KLHL1: variants seen among roughly 807,000 people sequenced by gnomAD.
The protein encoded by KLHL1 is kelch-like protein 1.
Under a neutral mutation model 77.7 loss-of-function variants are expected in KLHL1, and 47 were observed. The ratio of observed to expected loss-of-function variants is 0.60; its 90% confidence interval spans 0.48 to 0.77. The LOEUF (loss-of-function observed/expected upper bound fraction) is 0.77. Among genes scored for constraint, KLHL1 ranks in the 30% least tolerant of loss-of-function variants. KLHL1 has a pLI of 0.00. For synonymous variants in KLHL1, 360 were observed against 325.2 expected, an observed-to-expected ratio of 1.11 and a Z score of -1.15; for missense variants, 925 against 910.8, an observed-to-expected ratio of 1.02 and a Z score of -0.20.
intron 6 of KLHL1, among the ~76,000 whole-genome samples, chr13:69,829,729 C>T (rs978705453): frequency 6.7e-6 from 1 of 150,086 alleles, no homozygotes; most frequent in African/African-American, 2.5e-5. Context: ...AAAGAAAAAC[C>T]TATCAAATTA....
chr13:70,049,549 C>T (rs1214634741), intron 1 of KLHL1, among the ~76,000 whole-genome samples: 1 of 152,076 alleles, frequency 6.6e-6, no homozygotes, highest in Non-Finnish European at 1.5e-5. Context: ...TTATTATCAC[C>T]ATAAACAAGC....
At chr13:69,991,997 G>T (rs552706601) in intron 1 of KLHL1, among the ~76,000 whole-genome samples, 45 of 152,042 alleles carry the variant, frequency 3.0e-4, no homozygotes, top group Non-Finnish European at 4.6e-4. Flanking sequence ...CTGTGAACTT[G>T]CTAGGAATGC....
intron 1 of KLHL1, among the ~76,000 whole-genome samples, chr13:70,015,443 G>A (rs535525006): frequency 1.3e-5 from 2 of 152,126 alleles, no homozygotes; most frequent in Non-Finnish European, 2.9e-5. Flanking sequence ...TATGCAGCAC[G>A]TAACTGTGCA....
At chr13:69,811,050 G>A (rs1285235311) in intron 6 of KLHL1, among the ~76,000 whole-genome samples, 1 of 151,152 alleles carries the variant, frequency 6.6e-6, no homozygotes, top group Admixed American at 6.6e-5. Context: ...ATACAAAGAA[G>A]AGCTTGTACC....
At chr13:69,993,255 T>G (rs946927807) in intron 1 of KLHL1, among the ~76,000 whole-genome samples, 1 of 152,040 alleles carries the variant, frequency 6.6e-6, no homozygotes, top group African/African-American at 2.4e-5. Context: ...GGGAGAGCCA[T>G]AGCAGAACCA....
Position 69,997,500 on chromosome 13 carries a change from C to A in KLHL1, c.498-21698G>T, listed in dbSNP as rs2501232. On this transcript the variant is annotated intron_variant, in intron 1 of 10. Transcript: ENST00000377844. ...TCTAGCCACGGGAAACCACCGCTTT[C>A]CTCTGTTTCTATGAGTTTTACTGCT... is the stretch of plus-strand genomic sequence containing the variant. Among the ~76,000 whole-genome samples the A allele has an allele frequency of 9.9e-3, 1,498 of 151,152 alleles. 24 individuals are homozygous for A. Among genetic ancestry groups the A allele is most frequent in the African/African-American group, 0.034 (1,412 of 41,352 alleles).
intron 7 of KLHL1, among the ~76,000 whole-genome samples, chr13:69,750,574 A>G (rs1874433326): frequency 6.6e-6 from 1 of 151,934 alleles, no homozygotes; most frequent in Non-Finnish European, 1.5e-5. Context: ...AAAATATATA[A>G]GCATATAATA....
chr13:69,841,230 A>T (rs1179271153), intron 5 of KLHL1, among the ~76,000 whole-genome samples: 1 of 151,976 alleles, frequency 6.6e-6, no homozygotes, highest in East Asian at 1.9e-4. Context: ...ATCAGGAAAG[A>T]GAAAGAAATA....
chr13:69,794,983 T>A (rs902417295), intron 7 of KLHL1, among the ~76,000 whole-genome samples: 4 of 152,208 alleles, frequency 2.6e-5, no homozygotes, highest in Non-Finnish European at 5.9e-5. Context: ...AACTTTACAT[T>A]GGAAGAGCAG....
At chr13:69,813,988 T>C (rs559442398) in intron 6 of KLHL1, among the ~76,000 whole-genome samples, 1 of 152,224 alleles carries the variant, frequency 6.6e-6, no homozygotes, top group Admixed American at 6.5e-5. Context: ...ATTACCTGAC[T>C]TCAAATTATA....
Position 69,907,337 on chromosome 13 carries a change from A to T in KLHL1, c.1015-24842T>A, listed in dbSNP as rs1339791075. Among the ~76,000 whole-genome samples the T allele has an allele frequency of 2.6e-5, 4 of 152,182 alleles. No individual in the cohort carries two copies. In the East Asian group the frequency reaches 5.8e-4, roughly 22 times the overall value. ...CAACCAACACTGACATTGACACTGC[A>T]AGTGTTTCCAAAATGGCAAATATCT... On this transcript the variant is annotated intron_variant, in intron 4 of 10. Transcript: ENST00000377844.
At chr13:69,964,092 G>A (rs1332608120) in intron 2 of KLHL1, among the ~76,000 whole-genome samples, 1 of 151,960 alleles carries the variant, frequency 6.6e-6, no homozygotes, top group African/African-American at 2.4e-5. Flanking sequence ...CACCCAGGCT[G>A]GAGTCCAGTG....
chr13:69,822,278 A>T (rs1298210274), intron 6 of KLHL1, among the ~76,000 whole-genome samples: 3 of 152,086 alleles, frequency 2.0e-5, no homozygotes, highest in Non-Finnish European at 4.4e-5. Context: ...AGATAATCCC[A>T]AAAGAATGAA....
chr13:70,003,673 C>A (rs1242571153), intron 1 of KLHL1, among the ~76,000 whole-genome samples: 1 of 151,668 alleles, frequency 6.6e-6, no homozygotes, highest in African/African-American at 2.4e-5. Flanking sequence ...GTTTATTTTT[C>A]AGGGAAGAGG....
At chr13:69,754,031 G>C (rs146922567) in intron 7 of KLHL1, among the ~76,000 whole-genome samples, 1,655 of 151,724 alleles carry the variant, frequency 0.011, 31 homozygotes, top group African/African-American at 0.037. Context: ...AGTAGAGATG[G>C]GGGTGTACCT....
At chr13:70,003,392 A>AG (rs940245536) in intron 1 of KLHL1, among the ~76,000 whole-genome samples, 18 of 151,868 alleles carry the variant, frequency 1.2e-4, no homozygotes, top group African/African-American at 4.1e-4. Context: ...AGTTTAGAGG[A>AG]GAAAAATATT....
At chr13:69,967,926 C>T (rs1884266089) in intron 2 of KLHL1, among the ~76,000 whole-genome samples, 1 of 150,914 alleles carries the variant, frequency 6.6e-6, no homozygotes, top group African/African-American at 2.4e-5. Flanking sequence ...ATTACACAAA[C>T]TTAATTGACA....
At chr13:69,955,666 A>C (rs1317930003) in intron 3 of KLHL1, among the ~76,000 whole-genome samples, 1 of 150,936 alleles carries the variant, frequency 6.6e-6, no homozygotes, top group African/African-American at 2.4e-5. Flanking sequence ...GGAAATTTCT[A>C]TCAGTCTAAG....
At chr13:69,733,967 G>A (rs987297387) in intron 8 of KLHL1, among the ~76,000 whole-genome samples, 1 of 152,126 alleles carries the variant, frequency 6.6e-6, no homozygotes, top group Non-Finnish European at 1.5e-5. Context: ...CTCAGTAGTT[G>A]AGTGTAGGAG....
Sources: gnomAD v4.1 joint callset for allele counts (sites outside exome capture counted in the v4.1 genomes callset) on GRCh38, gnomAD v4.1.1 for gene constraint, MANE v1.5 for transcripts, NCBI Gene and HGNC (gene_info 2026-07-23, HGNC 2026-07-21) for gene names.